Variants in PLCB4 observed in about 807,000 individuals in gnomAD.
The protein encoded by PLCB4 is phospholipase C beta 4.
Under a neutral mutation model 178.8 loss-of-function variants are expected in PLCB4, and 77 were observed. That is an observed-to-expected ratio of 0.43 (90% confidence interval 0.36 to 0.52). The LOEUF (loss-of-function observed/expected upper bound fraction) is 0.52. Among genes scored for constraint, PLCB4 ranks in the 20% least tolerant of loss-of-function variants. The pLI is 0.00. For synonymous variants in PLCB4, 496 were observed against 490.8 expected (o/e 1.01, Z -0.14); for missense variants, 1,024 against 1,453.4 (o/e 0.70, Z 4.80).
intron 25 of PLCB4, among the ~76,000 whole-genome samples, chr20:9,417,212 T>G (rs1364290450): frequency 6.6e-6 from 1 of 152,164 alleles, no homozygotes; most frequent in Non-Finnish European, 1.5e-5. Context: ...TCTAATAATT[T>G]TTTAATTTTT....
chr20:9,444,290 A>G (rs747825866), intron 32 of PLCB4, 47 bp downstream of exon 32: 9 of 1,145,752 alleles, frequency 7.9e-6, no homozygotes, highest in African/African-American at 7.8e-5. Context: ...TGGATGAATC[A>G]TTTGTAGCCA....
chr20:9,124,688 A>G (rs1179662939), intron 2 of PLCB4, among the ~76,000 whole-genome samples: 2 of 152,202 alleles, frequency 1.3e-5, no homozygotes, highest in Non-Finnish European at 2.9e-5. Flanking sequence ...AGCTGATGTG[A>G]GGTTTCAAGT....
At chr20:9,260,217 C>A (rs537297869) in intron 3 of PLCB4, among the ~76,000 whole-genome samples, 61 of 152,106 alleles carry the variant, frequency 4.0e-4, no homozygotes, top group African/African-American at 1.4e-3. Context: ...CAACAAACAC[C>A]CTTAGTCACC....
chr20:9,193,359 C>T (rs909986531), intron 2 of PLCB4, among the ~76,000 whole-genome samples: 9 of 152,274 alleles, frequency 5.9e-5, no homozygotes, highest in African/African-American at 1.4e-4. Context: ...GAACATGCCT[C>T]GGAATTTTCC....
chr20:9,467,777 A>G (rs2043895098), intron 35 of PLCB4, among the ~76,000 whole-genome samples: 1 of 152,176 alleles, frequency 6.6e-6, no homozygotes, highest in Non-Finnish European at 1.5e-5. Flanking sequence ...TTGGATGCAG[A>G]GCAAATAGCA....
intron 36 of PLCB4, among the ~76,000 whole-genome samples, chr20:9,469,700 C>T (rs1252981250): frequency 6.6e-6 from 1 of 152,190 alleles, no homozygotes; most frequent in Non-Finnish European, 1.5e-5. Flanking sequence ...TTTGTGTTTC[C>T]ATATTAGGCA....
At chr20:9,198,935 G>T (rs966599400) in intron 2 of PLCB4, among the ~76,000 whole-genome samples, 2 of 152,100 alleles carry the variant, frequency 1.3e-5, no homozygotes, top group African/African-American at 4.8e-5. Flanking sequence ...GGGCTATTTT[G>T]ACTCTCATTT....
chr20:9,476,498 A>C (rs1416086800), intron 38 of PLCB4, among the ~76,000 whole-genome samples: 1 of 152,174 alleles, frequency 6.6e-6, no homozygotes, highest in Admixed American at 6.5e-5. Context: ...ACAGTCTGGG[A>C]ATGACAGGCG....
chr20:9,461,389 A>G (rs1313176746), intron 35 of PLCB4, among the ~76,000 whole-genome samples: 1 of 152,212 alleles, frequency 6.6e-6, no homozygotes, highest in Non-Finnish European at 1.5e-5. Context: ...TACCTGGTTC[A>G]TCTCATTGGA....
intron 2 of PLCB4, among the ~76,000 whole-genome samples, chr20:9,197,090 G>A (rs1288105564): frequency 6.6e-6 from 1 of 152,150 alleles, no homozygotes; most frequent in African/African-American, 2.4e-5. Context: ...AAATGCCTGG[G>A]GCTGTAATGA....
chr20:9,454,929 A>G (rs553454092), intron 33 of PLCB4, among the ~76,000 whole-genome samples: 18 of 152,284 alleles, frequency 1.2e-4, no homozygotes, highest in Non-Finnish European at 1.8e-4. Flanking sequence ...TGTATTATTG[A>G]GGCAGAAATG....
intron 3 of PLCB4, among the ~76,000 whole-genome samples, chr20:9,229,414 T>A (rs1272492684): frequency 6.6e-6 from 1 of 152,058 alleles, no homozygotes; most frequent in African/African-American, 2.4e-5. Flanking sequence ...TAGGATGCAG[T>A]GCAGCCAGAA....
chr20:9,355,910 C>T (rs1346145078), intron 7 of PLCB4, among the ~76,000 whole-genome samples: 2 of 152,238 alleles, frequency 1.3e-5, no homozygotes, highest in Non-Finnish European at 2.9e-5. Flanking sequence ...CACAGTCCCA[C>T]CAACAGTGCA....
At chr20:9,159,975 A>T (rs1455220917) in intron 2 of PLCB4, among the ~76,000 whole-genome samples, 1 of 152,138 alleles carries the variant, frequency 6.6e-6, no homozygotes, top group Non-Finnish European at 1.5e-5. Context: ...AGTTGCCCAT[A>T]GTTAGGGAGA....
At chr20:9,477,723 T>G (rs2044642433) in intron 39 of PLCB4, among the ~76,000 whole-genome samples, 1 of 152,194 alleles carries the variant, frequency 6.6e-6, no homozygotes, top group Non-Finnish European at 1.5e-5. Context: ...TTTAATTCTT[T>G]GGTGTTATTA....
intron 2 of PLCB4, among the ~76,000 whole-genome samples, chr20:9,198,801 A>G (rs1438458766): frequency 1.3e-5 from 2 of 152,186 alleles, no homozygotes; most frequent in Non-Finnish European, 2.9e-5. Flanking sequence ...AATAGAGGAG[A>G]CAGTGTGTCA....
chr20:9,344,929 A>G (rs960687553), intron 7 of PLCB4, among the ~76,000 whole-genome samples: 22 of 152,210 alleles, frequency 1.4e-4, no homozygotes, highest in Admixed American at 1.2e-3. Context: ...TTGCTGTCAT[A>G]TTTACCCCAA....
rs34242182 is a variant in PLCB4 at position 9,108,899 on chromosome 20, A to AAGAG, written c.-79+12581_-79+12584dup. Among the ~76,000 whole-genome samples, 368 of 142,540 alleles carry AAGAG rather than the reference A, an allele frequency of 2.6e-3. 1 individual carries two copies. Among genetic ancestry groups the AAGAG allele is most frequent in the African/African-American group, 8.8e-3 (336 of 38,276 alleles). The allele number at this position is 142,540 out of a possible 152,430, so 93.5% of individuals were successfully genotyped here. On this transcript the variant is annotated intron_variant, in intron 2 of 39. Coordinates refer to ENST00000378473, the MANE Select transcript of PLCB4 (RefSeq NM_001377142.1). ...TGAGAGAGAGAGGAAGAGAGAAAAC[A>AAGAG]AGAGAGAGAGAGAGAGAGAGAGAGA...
rs3037097 is a variant in PLCB4, at chr20:9,473,254, ATT to A, written c.3409-6_3409-5del. The A allele has an allele frequency of 0.18, 205,891 of 1,158,264 alleles. 1,866 individuals carry two copies. The highest frequency in any genetic ancestry group is 0.29 in the East Asian group (10,240 of 35,018). 71.7% of individuals were successfully genotyped at this position (1,158,264 alleles called of 1,614,324 possible). A position where few individuals can be genotyped will look rare whatever the true frequency, so the allele number is the denominator to read the frequency against. On this transcript the variant is annotated intron_variant, in intron 37 of 39. Coordinates refer to ENST00000378473, the MANE Select transcript of PLCB4 (RefSeq NM_001377142.1). ...GATTGTAACCCAAAGTTCAATCAGA[ATT>A]TTTTTTTTTTTTTTTTTTGCAGCTT... is the stretch of plus-strand genomic sequence containing the variant.
Sources: gnomAD v4.1 joint callset for allele counts (sites outside exome capture counted in the v4.1 genomes callset) on GRCh38, gnomAD v4.1.1 for gene constraint, MANE v1.5 for transcripts, NCBI Gene and HGNC (gene_info 2026-07-23, HGNC 2026-07-21) for gene names.